Variants in RPTOR observed in about 807,000 individuals in gnomAD.
RPTOR encodes regulatory associated protein of MTOR complex 1, also known as regulatory-associated protein of mTOR.
In RPTOR, 21 loss-of-function variants were observed where a neutral mutation model predicts 169.9. The ratio of observed to expected loss-of-function variants is 0.12; its 90% CI spans 0.09 to 0.18. The LOEUF is 0.18. RPTOR is among the 10% of genes least tolerant of loss of function. RPTOR has a pLI of 1.00. For missense variants in RPTOR, 1,133 were observed against 1,855.9 expected, an observed-to-expected ratio of 0.61 and a Z score of 7.16; for synonymous variants, 732 against 753.2, an observed-to-expected ratio of 0.97 and a Z score of 0.46.
intron 16 of RPTOR, 65 bp downstream of exon 16, chr17:80,884,037 T>C (rs1252295098): frequency 6.6e-7 from 1 of 1,524,736 alleles, no homozygotes; most frequent in African/African-American, 1.4e-5. Flanking sequence ...AAGGCAGAGG[T>C]CTGCTCGCGT....
chr17:80,735,274 T>A (rs577583710), intron 5 of RPTOR, among the ~76,000 whole-genome samples: 2 of 151,876 alleles, frequency 1.3e-5, no homozygotes, highest in Admixed American at 1.3e-4. Context: ...ATTTTCACTC[T>A]TCCAGTGGTA....
At chr17:80,727,430 A>G (rs1191491990) in intron 4 of RPTOR, among the ~76,000 whole-genome samples, 1 of 147,084 alleles carries the variant, frequency 6.8e-6, no homozygotes, top group African/African-American at 2.6e-5. Context: ...TCACGCTTCA[A>G]GAACGTGAAC....
At position 80,574,085 on chromosome 17, in the gene RPTOR, C is replaced by T. The variant is rs555963228; in HGVS notation, c.162+28294C>T. Among the ~76,000 whole-genome samples the T allele has an allele frequency of 1.3e-4, 19 of 151,902 alleles. No individual in the cohort carries two copies. In the East Asian group the frequency reaches 3.1e-3, roughly 25 times the overall value. On this transcript the variant is annotated intron_variant, in intron 1 of 33. Transcript: ENST00000306801. ...AACTTGCCCATAAGGTCATGTAATC[C>T]GAAAGTGTTGTTTGTAAAAAAATTT...
intron 2 of RPTOR, among the ~76,000 whole-genome samples, chr17:80,639,344 G>C (rs1297716466): frequency 2.6e-5 from 4 of 151,708 alleles, no homozygotes; most frequent in Non-Finnish European, 5.9e-5. Flanking sequence ...AAGATTGTCC[G>C]AGCAGTGAGT....
chr17:80,921,423 C>T (rs960967449), intron 21 of RPTOR, among the ~76,000 whole-genome samples: 1 of 152,230 alleles, frequency 6.6e-6, no homozygotes, highest in Admixed American at 6.5e-5. Context: ...CGCATTCCCC[C>T]CACTGAGCAG....
At chr17:80,607,002 A>G (rs1790228925) in intron 1 of RPTOR, among the ~76,000 whole-genome samples, 1 of 152,202 alleles carries the variant, frequency 6.6e-6, no homozygotes, top group African/African-American at 2.4e-5. Context: ...AGTAGGTCGT[A>G]TTACAGATGC....
rs1245676584 is a variant in RPTOR, at chr17:80,634,809, CTG to C, written c.266-8910_266-8909del. Reference sequence around the variant, plus strand: ...TGCATGTGCATACTGTGTGTGCATACTGTGTGTGTGCATACTGTGTGTGTGTG... The same window carrying C: ...TGCATGTGCATACTGTGTGTGCATACTGTGTGTGCATACTGTGTGTGTGTG... On this transcript the variant is annotated intron_variant, in intron 2 of 33. Coordinates refer to ENST00000306801, the MANE Select transcript of RPTOR (RefSeq NM_020761.3). Among the ~76,000 whole-genome samples the C allele has an allele frequency of 1.8e-4, 25 of 136,876 alleles. 3 individuals are homozygous for C. Among genetic ancestry groups the C allele is most frequent in the Middle Eastern group, 5.3e-3 (1 of 188 alleles). 89.8% of individuals were successfully genotyped at this position (136,876 alleles called of 152,430 possible). A position where few individuals can be genotyped will look rare whatever the true frequency, so the allele number is the denominator to read the frequency against.
intron 1 of RPTOR, among the ~76,000 whole-genome samples, chr17:80,555,194 G>GA (rs1490645351): frequency 6.6e-6 from 1 of 152,222 alleles, no homozygotes; most frequent in East Asian, 1.9e-4. Flanking sequence ...GCAGGGCCTT[G>GA]AAGTGACATT....
rs1485654064 is a variant in RPTOR at position 80,862,000 on chromosome 17, C to A, written c.1509+4100C>A. ...CCCAGGGCCTGTTGCTCTCGAGTGC[C>A]CCAAATGGCAGAACGTGGCCATGAG... On this transcript the variant is annotated intron_variant, in intron 13 of 33. Transcript: ENST00000306801. This position sits in a 1 kb window ranked among gnomAD's most constrained non-coding sequence, Gnocchi z 4.5. 6.6e-6 allele frequency among the ~76,000 whole-genome samples: 1 copy of A among 152,166 alleles called. No individual in the cohort carries two copies. The highest frequency in any genetic ancestry group is 6.5e-5 in the Admixed American group (1 of 15,280).
At chr17:80,751,116 TCAGATG>T in intron 5 of RPTOR, among the ~76,000 whole-genome samples, 1 of 152,146 alleles carries the variant, frequency 6.6e-6, no homozygotes, top group African/African-American at 2.4e-5. Flanking sequence ...TTTGTCAGAG[TCAGATG>T]ACAGTGCGTT....
rs935579543 is a variant in RPTOR, at chr17:80,754,570, C to T, written c.830+385C>T. 7.2e-5 allele frequency among the ~76,000 whole-genome samples: 11 copies of T among 152,088 alleles called. 1 individual carries two copies. The highest frequency in any genetic ancestry group is 2.7e-4 in the African/African-American group (11 of 41,398). On this transcript the variant is annotated intron_variant, in intron 6 of 33. Coordinates refer to ENST00000306801, the MANE Select transcript of RPTOR (RefSeq NM_020761.3). This position sits in a 1 kb window ranked among gnomAD's most constrained non-coding sequence, Gnocchi z 4.2. ...ATTTAATTCCTTGCTTGAGTTGAAG[C>T]GTAATCTTTCAATGTATTTTTAGCA...
At chr17:80,810,079 AT>A (rs1267747820) in intron 7 of RPTOR, among the ~76,000 whole-genome samples, 1 of 151,528 alleles carries the variant, frequency 6.6e-6, no homozygotes, top group South Asian at 2.1e-4. Context: ...AAATAAATAA[AT>A]AAATAAATAA....
At chr17:80,760,855 A>G (rs1010229619) in intron 6 of RPTOR, among the ~76,000 whole-genome samples, 4 of 152,176 alleles carry the variant, frequency 2.6e-5, no homozygotes, top group African/African-American at 9.6e-5. Context: ...CACAGCTGCT[A>G]CAGAATGCGG....
chr17:80,955,489 A>T lies in RPTOR; in HGVS notation c.3371-2135A>T, dbSNP rs552122067. On this transcript the variant is annotated intron_variant, in intron 28 of 33. Coordinates refer to ENST00000306801, the MANE Select transcript of RPTOR (RefSeq NM_020761.3). ...AAAATCAAGAGGAAATCTTCCTAAC[A>T]GTGAGGAACAAAAAGACAGATTGAA... is the stretch of plus-strand genomic sequence containing the variant. 3.7e-4 allele frequency among the ~76,000 whole-genome samples: 56 copies of T among 152,380 alleles called. No individual in the cohort carries two copies. In the South Asian group the frequency reaches 0.011, roughly 29 times the overall value.
chr17:80,911,495 C>T (rs1013228789), intron 21 of RPTOR, among the ~76,000 whole-genome samples: 1 of 152,102 alleles, frequency 6.6e-6, no homozygotes, highest in East Asian at 1.9e-4. Flanking sequence ...CAAAAATAAA[C>T]CTCAGGCTGG....
intron 25 of RPTOR, among the ~76,000 whole-genome samples, chr17:80,943,277 C>T (rs1815304316): frequency 1.3e-5 from 2 of 152,110 alleles, no homozygotes; most frequent in African/African-American, 2.4e-5. Context: ...GCCCAAGTCG[C>T]GCGGCTTTGA....
At chr17:80,631,290 CA>C (rs1404320388) in intron 2 of RPTOR, among the ~76,000 whole-genome samples, 3 of 152,094 alleles carry the variant, frequency 2.0e-5, no homozygotes, top group African/African-American at 7.2e-5. Context: ...AGGTGGACTT[CA>C]AGCCTCTCCA....
chr17:80,734,390 C>A (rs1017810080), intron 5 of RPTOR, among the ~76,000 whole-genome samples: 1 of 152,200 alleles, frequency 6.6e-6, no homozygotes, highest in Non-Finnish European at 1.5e-5. Context: ...CCCACTTCTT[C>A]CCCTCTCTCG....
chr17:80,846,574 G>A lies in RPTOR; in HGVS notation c.1314G>A (p.Gln438=), dbSNP rs2589156. Reference sequence around the variant, plus strand: ...CCGAACAGCTGCCCATCGTCCTGCAGGTGAGTTTCTTCAGACCGGGCCAGA... The same window carrying A: ...CCGAACAGCTGCCCATCGTCCTGCAAGTGAGTTTCTTCAGACCGGGCCAGA... ...NPPEQLPIVL[Q]VLLSQVHRLR... is the part of the protein sequence containing the mutation. The change falls in exon 11 of 34, where the codon CAG becomes CAA. Residue 438 remains glutamine, a splice_region_variant and synonymous_variant. Transcript: ENST00000306801. The A allele has an allele frequency of 0.12, 194,296 of 1,613,732 alleles. 12,386 individuals are homozygous for A. Among genetic ancestry groups the A allele is most frequent in the Non-Finnish European group, 0.13 (153,347 of 1,179,614 alleles).
Sources: allele counts gnomAD v4.1 joint callset (sites outside exome capture counted in the v4.1 genomes callset), GRCh38; gene constraint gnomAD v4.1.1; non-coding constraint Gnocchi (gnomAD v3.1); transcripts MANE v1.5; gene names NCBI Gene and HGNC (gene_info 2026-07-23, HGNC 2026-07-21).